Variants in GRID1 observed in about 807,000 individuals in gnomAD.
GRID1 encodes the protein glutamate receptor ionotropic, delta-1.
GRID1 carries 28 observed loss-of-function variants against 98.0 expected under a neutral mutation model. That is an observed-to-expected ratio of 0.29 (90% CI 0.21 to 0.39). The LOEUF is 0.39. Ranked by LOEUF, GRID1 falls within the 10% of genes least tolerant of loss-of-function variation. The pLI is 1.00. For missense variants in GRID1, 1,111 were observed against 1,340.5 expected (o/e 0.83, Z 2.67); for synonymous variants, 553 against 538.5 (o/e 1.03, Z -0.37).
chr10:85,968,718 C>G (rs188599522), intron 4 of GRID1, among the ~76,000 whole-genome samples: 1 of 151,774 alleles, frequency 6.6e-6, no homozygotes, highest in African/African-American at 2.4e-5. Flanking sequence ...GAAAAAGAAA[C>G]AAGGGAATTA....
chr10:86,020,572 C>A (rs1343735784), intron 4 of GRID1, among the ~76,000 whole-genome samples: 1 of 152,196 alleles, frequency 6.6e-6, no homozygotes, highest in East Asian at 1.9e-4. Context: ...AAAATGGAGT[C>A]AAGAGTGTGG....
At chr10:85,812,730 TTC>T (rs3028889) in intron 8 of GRID1, among the ~76,000 whole-genome samples, 45 of 147,940 alleles carry the variant, frequency 3.0e-4, no homozygotes, top group Middle Eastern at 3.7e-3. Flanking sequence ...CAAACAGAAG[TTC>T]TCTCTCTCTC....
intron 2 of GRID1, among the ~76,000 whole-genome samples, chr10:86,301,273 T>A (rs1847682820): frequency 6.6e-6 from 1 of 152,234 alleles, no homozygotes; most frequent in Non-Finnish European, 1.5e-5. Context: ...GAGTGGCTTG[T>A]CGATTTTCTG....
intron 4 of GRID1, among the ~76,000 whole-genome samples, chr10:85,937,922 T>C (rs1434987878): frequency 6.6e-6 from 1 of 152,204 alleles, no homozygotes; most frequent in East Asian, 1.9e-4. Context: ...TGACACTAAA[T>C]ATCAGAAAGA....
Position 86,302,162 on chromosome 10 carries a change from C to A in GRID1, c.235+61779G>T, listed in dbSNP as rs1283147421. Among the ~76,000 whole-genome samples the A allele has an allele frequency of 2.0e-5, 3 of 152,332 alleles. No homozygotes were observed. The South Asian group carries it at 6.2e-4, about 32-fold the overall frequency. ...GGTCTAGGTCACAGCCAGGTGAGGTCTCTGCAGGATGTGGCCCAGCCTGGC... is the reference window on the plus strand; with the variant it reads ...GGTCTAGGTCACAGCCAGGTGAGGTATCTGCAGGATGTGGCCCAGCCTGGC... On this transcript the variant is annotated intron_variant, in intron 2 of 15. Transcript: ENST00000327946.
chr10:86,180,033 C>T (rs1845632498), intron 3 of GRID1, among the ~76,000 whole-genome samples: 1 of 152,196 alleles, frequency 6.6e-6, no homozygotes, highest in Admixed American at 6.5e-5. Context: ...AGAGCTCCAT[C>T]AACCTATGGC....
intron 4 of GRID1, among the ~76,000 whole-genome samples, chr10:85,994,658 A>C (rs1197296775): frequency 6.6e-6 from 1 of 152,192 alleles, no homozygotes; most frequent in Non-Finnish European, 1.5e-5. Flanking sequence ...GTGATTACGC[A>C]GTTGTGGCAG....
At chr10:85,903,893 G>A (rs1841423272) in intron 5 of GRID1, among the ~76,000 whole-genome samples, 1 of 152,178 alleles carries the variant, frequency 6.6e-6, no homozygotes, top group African/African-American at 2.4e-5. Flanking sequence ...CTGTTCAAAT[G>A]TTACCTCATC....
rs187666032 is a variant in GRID1 at position 85,669,157 on chromosome 10, T to C, written c.1998-21760A>G. 5.3e-5 allele frequency among the ~76,000 whole-genome samples: 8 copies of C among 152,356 alleles called. No individual in the cohort carries two copies. In the East Asian group the frequency reaches 1.4e-3, roughly 26 times the overall value. ...TCTTCCATGTCCAACGGCTATTTCA[T>C]AACCATTACCCAAATGCAGGGCACC... On this transcript the variant is annotated intron_variant, in intron 12 of 15. Coordinates refer to ENST00000327946, the MANE Select transcript of GRID1 (RefSeq NM_017551.3).
intron 12 of GRID1, among the ~76,000 whole-genome samples, chr10:85,688,840 T>C (rs1841299354): frequency 6.6e-6 from 1 of 152,166 alleles, no homozygotes; most frequent in Non-Finnish European, 1.5e-5. Flanking sequence ...ACCTTCAGCA[T>C]TTGGTGGTAA....
At chr10:86,111,919 T>C (rs765075007) in intron 4 of GRID1, among the ~76,000 whole-genome samples, 17 of 152,204 alleles carry the variant, frequency 1.1e-4, no homozygotes, top group Non-Finnish European at 2.1e-4. Flanking sequence ...GACGTTGTCT[T>C]TTCCAAGTCC....
At chr10:86,031,550 G>A (rs1055751167) in intron 4 of GRID1, among the ~76,000 whole-genome samples, 3 of 152,084 alleles carry the variant, frequency 2.0e-5, no homozygotes, top group African/African-American at 7.2e-5. Context: ...TGTACCCTTT[G>A]AATCTAAAAT....
chr10:85,987,716 T>C (rs544876373), intron 4 of GRID1, among the ~76,000 whole-genome samples: 4 of 151,480 alleles, frequency 2.6e-5, no homozygotes, highest in African/African-American at 9.7e-5. Flanking sequence ...TCCAGGATGC[T>C]CCTCCCATGC....
chr10:85,762,139 C>G (rs968019623), intron 8 of GRID1, among the ~76,000 whole-genome samples: 1 of 152,176 alleles, frequency 6.6e-6, no homozygotes, highest in African/African-American at 2.4e-5. Flanking sequence ...AATTTTGCAC[C>G]GCATTCCTCT....
intron 4 of GRID1, among the ~76,000 whole-genome samples, chr10:86,004,500 T>C (rs558541658): frequency 4.5e-4 from 69 of 152,278 alleles, no homozygotes; most frequent in Middle Eastern, 3.4e-3. Flanking sequence ...TTGCCCTCCA[T>C]GATGTGAGTG....
intron 4 of GRID1, among the ~76,000 whole-genome samples, chr10:85,992,790 T>TAAC (rs1842697621): frequency 6.6e-6 from 1 of 151,236 alleles, no homozygotes; most frequent in African/African-American, 2.4e-5. Flanking sequence ...TCTCTAAAAA[T>TAAC]AATAATAATA....
At chr10:85,659,469 C>T (rs1840939895) in intron 12 of GRID1, among the ~76,000 whole-genome samples, 1 of 152,198 alleles carries the variant, frequency 6.6e-6, no homozygotes, top group East Asian at 1.9e-4. Flanking sequence ...AAGACATCTG[C>T]CTGCCTGAGT....
intron 8 of GRID1, among the ~76,000 whole-genome samples, chr10:85,770,843 G>A (rs369748674): frequency 0.018 from 2,802 of 152,266 alleles, 46 homozygotes; most frequent in East Asian, 0.059. Flanking sequence ...CCAAATCTAC[G>A]TCTGATTGGT....
intron 3 of GRID1, among the ~76,000 whole-genome samples, chr10:86,151,460 C>T (rs960549487): frequency 6.6e-6 from 1 of 151,920 alleles, no homozygotes; most frequent in African/African-American, 2.4e-5. Flanking sequence ...CTAGTGGCCA[C>T]CGCAGGCATA....
Sources: gnomAD v4.1 joint callset for allele counts (sites outside exome capture counted in the v4.1 genomes callset) on GRCh38, gnomAD v4.1.1 for gene constraint, MANE v1.5 for transcripts, NCBI Gene and HGNC (gene_info 2026-07-23, HGNC 2026-07-21) for gene names.